Variants in AOPEP observed in about 807,000 individuals in gnomAD.
The protein encoded by AOPEP is aminopeptidase O (putative).
In AOPEP, 77 loss-of-function variants were observed where a neutral mutation model predicts 98.1. The ratio of observed to expected loss-of-function variants is 0.78; its 90% CI spans 0.65 to 0.95. The LOEUF is 0.95. Among genes scored for constraint, AOPEP ranks in the 40% least tolerant of loss-of-function variants. The probability of loss-of-function intolerance (pLI) is 0.00; values close to 1 mark genes in which losing one functional copy is unlikely to be tolerated. For missense variants in AOPEP, 1,024 were observed against 1,024.7 expected, an observed-to-expected ratio of 1.00 and a Z score of 0.01; for synonymous variants, 346 against 365.3, an observed-to-expected ratio of 0.95 and a Z score of 0.60.
intron 11 of AOPEP, among the ~76,000 whole-genome samples, chr9:94,997,046 A>G (rs2132490792): frequency 6.6e-6 from 1 of 152,312 alleles, no homozygotes; most frequent in East Asian, 1.9e-4. Context: ...TACCACCTTC[A>G]TGTTTACAGT....
intron 10 of AOPEP, among the ~76,000 whole-genome samples, chr9:94,977,627 C>T (rs112417926): frequency 0.041 from 6,289 of 152,280 alleles, 439 homozygotes; most frequent in African/African-American, 0.14. Flanking sequence ...ATGCACACAT[C>T]CATGCATGCG....
At chr9:95,069,483 T>TGGAA (rs56857172) in intron 14 of AOPEP, among the ~76,000 whole-genome samples, 1,814 of 152,350 alleles carry the variant, frequency 0.012, 32 homozygotes, top group African/African-American at 0.041. Context: ...AGTCTTAGTA[T>TGGAA]GGAAGGAAGG....
At chr9:94,735,992 A>G (rs1831670852) in intron 1 of AOPEP, among the ~76,000 whole-genome samples, 4 of 152,204 alleles carry the variant, frequency 2.6e-5, no homozygotes, top group Admixed American at 2.0e-4. Context: ...GCATGTCGGT[A>G]CTTCAGTACT....
At chr9:94,985,102 G>A (rs891541967) in intron 11 of AOPEP, among the ~76,000 whole-genome samples, 1 of 152,270 alleles carries the variant, frequency 6.6e-6, no homozygotes, top group East Asian at 1.9e-4. Flanking sequence ...TGGAGGAAGT[G>A]CTCAGCCGCC....
At chr9:94,962,674 A>G (rs2058923904) in intron 9 of AOPEP, among the ~76,000 whole-genome samples, 1 of 151,504 alleles carries the variant, frequency 6.6e-6, no homozygotes, top group Admixed American at 6.6e-5. Context: ...TCCAGTTTAC[A>G]TCTTAATCCT....
chr9:95,005,647 G>T, intron 13 of AOPEP, 31 bp downstream of exon 13: 1 of 1,589,018 alleles, frequency 6.3e-7, no homozygotes, highest in Non-Finnish European at 8.6e-7. Context: ...ACTCGGTGCA[G>T]GTCTTGGTAA....
intron 5 of AOPEP, among the ~76,000 whole-genome samples, chr9:94,852,855 G>C (rs1215850588): frequency 6.6e-6 from 1 of 152,176 alleles, no homozygotes; most frequent in Admixed American, 6.5e-5. Context: ...TCAGCTGAGT[G>C]CAGTTCACCT....
At chr9:95,102,860 C>T in the AOPEP span, among the ~76,000 whole-genome samples, 2 of 152,342 alleles carry the variant, frequency 1.3e-5, no homozygotes, top group Admixed American at 6.5e-5. Context: ...CCATGACGTT[C>T]GCTCTCCTCG....
At chr9:94,924,818 T>C (rs889790245) in intron 6 of AOPEP, among the ~76,000 whole-genome samples, 1 of 152,174 alleles carries the variant, frequency 6.6e-6, no homozygotes, top group African/African-American at 2.4e-5. Context: ...TTCTGGACTT[T>C]TATGTGAAGT....
intron 7 of AOPEP, among the ~76,000 whole-genome samples, chr9:94,937,167 T>C (rs2056396797): frequency 6.6e-6 from 1 of 152,214 alleles, no homozygotes; most frequent in Non-Finnish European, 1.5e-5. Flanking sequence ...GTCTTTCCAG[T>C]GACCAGCTCC....
rs143074032 is a variant in AOPEP at position 95,080,731 on chromosome 9, A to G, written c.2270A>G (p.Lys757Arg). The G allele has an allele frequency of 6.3e-5, 101 of 1,614,080 alleles. No individual in the cohort carries two copies. The African/African-American group carries it at 1.1e-3, about 17-fold the overall frequency. Reference protein sequence around the residue: ...HRWCELIVKHKFTKAYKSVER... With the variant: ...HRWCELIVKHRFTKAYKSVER... ...TGGTGTGAACTCATTGTTAAGCACA[A>G]GTTCACGAAAGCCTACAAAAGTGTG... The change falls in exon 15 of 17, where the codon AAG becomes AGG. Residue 757 changes from lysine to arginine, a missense_variant. Coordinates refer to ENST00000375315, the MANE Select transcript of AOPEP (RefSeq NM_001193329.3).
chr9:95,141,205 G>A, the AOPEP span, among the ~76,000 whole-genome samples: 1 of 151,092 alleles, frequency 6.6e-6, no homozygotes, highest in African/African-American at 2.4e-5. Flanking sequence ...CCAGCCACTC[G>A]GGAGGCTGAG....
chr9:94,800,875 C>A lies in AOPEP; in HGVS notation c.1237C>A (p.Gln413Lys), dbSNP rs745518046. The A allele has an allele frequency of 3.5e-5, 57 of 1,614,056 alleles. No individual in the cohort carries two copies. The highest frequency in any genetic ancestry group is 4.7e-5 in the Non-Finnish European group (55 of 1,180,032). The stretch of plus-strand genomic sequence containing the variant: ...CCCTGTGTGCCTCACGGGTGCCTGC[C>A]AAGAGACCCTTCTGCGGCTGATCCC... Reference protein sequence around the residue: ...FAPVCLTGACQETLLRLIPPC... With the variant: ...FAPVCLTGACKETLLRLIPPC... The change falls in exon 5 of 17, where the codon CAA (glutamine) becomes AAA (lysine). Residue 413 changes from glutamine (Q) to lysine (K), a missense_variant. Gln to Lys is a moderately conservative substitution (Grantham distance 53). Around this residue, in one of 3 missense-constraint regions of AOPEP, gnomAD observed 566 missense variants for 551.7 expected, o/e 1.03. Transcript: ENST00000375315.
intron 5 of AOPEP, among the ~76,000 whole-genome samples, chr9:94,906,066 G>A (rs1308102842): frequency 1.3e-5 from 2 of 152,126 alleles, no homozygotes; most frequent in Non-Finnish European, 2.9e-5. Context: ...TATTGGTTGG[G>A]CATGGTAGCT....
chr9:95,026,930 G>A (rs2063887206), intron 13 of AOPEP, among the ~76,000 whole-genome samples: 1 of 152,178 alleles, frequency 6.6e-6, no homozygotes, highest in Non-Finnish European at 1.5e-5. Flanking sequence ...ACTATTTTAA[G>A]GTATTTACAG....
At chr9:94,770,744 T>C (rs1416202406) in intron 2 of AOPEP, among the ~76,000 whole-genome samples, 2 of 152,344 alleles carry the variant, frequency 1.3e-5, no homozygotes, top group Admixed American at 6.5e-5. Context: ...GTTGCATCCC[T>C]GTCCCAGGTC....
At chr9:94,793,016 C>G (rs1846076071) in intron 4 of AOPEP, 98 bp downstream of exon 4, 2 of 1,353,468 alleles carry the variant, frequency 1.5e-6, no homozygotes, top group East Asian at 2.3e-5. Context: ...TGAGTCATTC[C>G]TGCTGAGAAA....
chr9:95,132,773 T>G, the AOPEP span, among the ~76,000 whole-genome samples: 10 of 152,366 alleles, frequency 6.6e-5, no homozygotes, highest in South Asian at 1.9e-3. Context: ...ATATCAGACC[T>G]GCGAGTCCAA....
At chr9:94,744,014 C>G (rs893136815) in intron 1 of AOPEP, among the ~76,000 whole-genome samples, 1 of 151,938 alleles carries the variant, frequency 6.6e-6, no homozygotes, top group African/African-American at 2.4e-5. Context: ...AGTCCACACT[C>G]GGTAAAAATG....
Sources: allele counts gnomAD v4.1 joint callset (sites outside exome capture counted in the v4.1 genomes callset), GRCh38; gene constraint gnomAD v4.1.1; regional missense constraint gnomAD v4.1.1; transcripts MANE v1.5; gene names NCBI Gene and HGNC (gene_info 2026-07-23, HGNC 2026-07-21).